The following VWA8 variants were observed in gnomAD, a reference collection of about 807,000 sequenced individuals.
VWA8 encodes the protein von Willebrand factor A domain-containing protein 8.
A neutral mutation model predicts 241.5 loss-of-function variants in VWA8; 221 were observed. That is an observed-to-expected ratio of 0.91 (90% CI 0.82 to 1.02). VWA8 has a LOEUF of 1.02. VWA8 is among the 50% of genes least tolerant of loss of function. The pLI, the probability that VWA8 is intolerant of heterozygous loss-of-function variation, is 0.00. For missense variants in VWA8, 2,322 were observed against 2,328.7 expected (o/e 1.00, Z 0.06); for synonymous variants, 852 against 827.1 (o/e 1.03, Z -0.52).
At position 41,704,313 on chromosome 13, in the gene VWA8, C is replaced by T. The variant is rs541822743; in HGVS notation, c.3117-902G>A. 4.6e-5 allele frequency among the ~76,000 whole-genome samples: 7 copies of T among 152,318 alleles called. No individual in the cohort carries two copies. The South Asian group carries it at 1.4e-3, about 32-fold the overall frequency. ...TGTGGGGCCACTTTCAGCACTAATC[C>T]ACCAAGGGAGCTAAATGCTGATTTC... On this transcript the variant is annotated intron_variant, in intron 26 of 44. Transcript: ENST00000379310.
At chr13:41,649,148 C>A (rs1480843936) in intron 37 of VWA8, among the ~76,000 whole-genome samples, 1 of 152,194 alleles carries the variant, frequency 6.6e-6, no homozygotes, top group Admixed American at 6.5e-5. Flanking sequence ...TGCGCCACTG[C>A]AGTCCAGCCT....
At chr13:41,792,470 CTATT>C (rs1228812745) in intron 17 of VWA8, among the ~76,000 whole-genome samples, 1 of 151,862 alleles carries the variant, frequency 6.6e-6, no homozygotes, top group Non-Finnish European at 1.5e-5. Flanking sequence ...TTCTAATAGT[CTATT>C]TGTTTTTCCC....
intron 19 of VWA8, among the ~76,000 whole-genome samples, chr13:41,780,614 G>C (rs1239633330): frequency 6.6e-6 from 1 of 152,004 alleles, no homozygotes; most frequent in Non-Finnish European, 1.5e-5. Context: ...ATCATCTCTA[G>C]CCTAGATTTG....
chr13:41,678,269 T>TA (rs2045074229), intron 35 of VWA8, among the ~76,000 whole-genome samples: 1 of 152,032 alleles, frequency 6.6e-6, no homozygotes, highest in Non-Finnish European at 1.5e-5. Context: ...GGTAAGAAAA[T>TA]AGAGTTACTA....
chr13:41,805,630 A>G lies in VWA8; in HGVS notation c.2063+5595T>C, dbSNP rs139561543. Among the ~76,000 whole-genome samples the G allele has an allele frequency of 6.2e-3, 938 of 152,146 alleles. 7 individuals carry two copies. The highest frequency in any genetic ancestry group is 0.022 in the African/African-American group (894 of 41,522). On this transcript the variant is annotated intron_variant, in intron 17 of 44. Transcript: ENST00000379310. ...GGAGTTTGAAACTAGTCTGACCAAC[A>G]TGGAGAAACCCCATCTCTACTAAAA...
intron 25 of VWA8, 45 bp from the exon 26 acceptor site, chr13:41,719,787 A>G (rs1258666587): frequency 6.5e-7 from 1 of 1,529,774 alleles, no homozygotes; most frequent in South Asian, 1.2e-5. Context: ...GATAAAATAT[A>G]CAACATTATA....
intron 28 of VWA8, among the ~76,000 whole-genome samples, chr13:41,700,178 CAT>C (rs1179110618): frequency 2.6e-5 from 4 of 152,162 alleles, no homozygotes; most frequent in African/African-American, 9.7e-5. Flanking sequence ...CAAATTAAGA[CAT>C]GAGATATGAC....
chr13:41,911,062 CTTTTTT>C (rs5803108), intron 3 of VWA8, among the ~76,000 whole-genome samples: 1 of 97,974 alleles, frequency 1.0e-5, no homozygotes, highest in South Asian at 4.0e-4. Context: ...CATTTTCTTT[CTTTTTT>C]TTTTTTTTTT....
chr13:41,750,955 T>G (rs1303588790), intron 21 of VWA8, among the ~76,000 whole-genome samples: 2 of 151,864 alleles, frequency 1.3e-5, no homozygotes, highest in Non-Finnish European at 2.9e-5. Flanking sequence ...CCAGAATGTA[T>G]GAAGCTAGCT....
chr13:41,715,280 ATTG>A (rs960539211), intron 26 of VWA8, among the ~76,000 whole-genome samples: 8 of 151,938 alleles, frequency 5.3e-5, no homozygotes, highest in Middle Eastern at 3.4e-3. Context: ...TAATCATAAC[ATTG>A]TTGTTGTTAT....
At chr13:41,633,744 C>A (rs1386734799) in intron 37 of VWA8, among the ~76,000 whole-genome samples, 2 of 152,146 alleles carry the variant, frequency 1.3e-5, no homozygotes, top group Non-Finnish European at 2.9e-5. Flanking sequence ...CAGAAACACA[C>A]AAACAATTCA....
chr13:41,726,083 C>T lies in VWA8; in HGVS notation c.2758+1111G>A, dbSNP rs185789521. 2.5e-3 allele frequency among the ~76,000 whole-genome samples: 387 copies of T among 152,214 alleles called. 2 individuals carry two copies. Among genetic ancestry groups the T allele is most frequent in the Admixed American group, 7.2e-3 (110 of 15,286 alleles). ...ACATATGAACGGGTAAACTACTATA[C>T]CCACTTTACTTACTTATTGTTTCAA... is the stretch of plus-strand genomic sequence containing the variant. On this transcript the variant is annotated intron_variant, in intron 24 of 44. Transcript: ENST00000379310.
At chr13:41,626,037 A>T (rs2044688287) in intron 37 of VWA8, among the ~76,000 whole-genome samples, 1 of 140,872 alleles carries the variant, frequency 7.1e-6, no homozygotes, top group Non-Finnish European at 1.5e-5. Context: ...AACAATGAGA[A>T]CACATGGACA....
At chr13:41,690,315 C>A (rs775034853) in intron 32 of VWA8, 40 bp from the exon 33 acceptor site, 3 of 1,563,648 alleles carry the variant, frequency 1.9e-6, no homozygotes, top group Non-Finnish European at 2.6e-6. Flanking sequence ...TGAAATTTTT[C>A]TTTTTCTAAT....
chr13:41,706,751 A>ACTAAC (rs1310633743), intron 26 of VWA8, among the ~76,000 whole-genome samples: 1 of 152,226 alleles, frequency 6.6e-6, no homozygotes, highest in African/African-American at 2.4e-5. Context: ...GAACTATGTC[A>ACTAAC]TCCAACTCTG....
intron 2 of VWA8, among the ~76,000 whole-genome samples, chr13:41,935,375 C>T (rs1003646847): frequency 1.3e-5 from 2 of 152,030 alleles, no homozygotes; most frequent in South Asian, 2.1e-4. Context: ...TTGTTATGAG[C>T]ACATCTCAAA....
intron 44 of VWA8, among the ~76,000 whole-genome samples, chr13:41,569,645 A>AT (rs769186344): frequency 0.11 from 15,868 of 140,054 alleles, 1,769 homozygotes; most frequent in African/African-American, 0.3. Flanking sequence ...TTAGGCAGGG[A>AT]TTTTTTTTTT....
chr13:41,715,911 T>C (rs182391502), intron 26 of VWA8, among the ~76,000 whole-genome samples: 9 of 152,154 alleles, frequency 5.9e-5, no homozygotes, highest in Admixed American at 5.9e-4. Flanking sequence ...GATTCATAGA[T>C]GACATACAGT....
intron 40 of VWA8, among the ~76,000 whole-genome samples, chr13:41,603,630 C>G (rs939626884): frequency 6.6e-6 from 1 of 152,112 alleles, no homozygotes; most frequent in Non-Finnish European, 1.5e-5. Context: ...GTTCTTGTGG[C>G]ATCCAGGGCT....
Sources: allele counts gnomAD v4.1 joint callset (sites outside exome capture counted in the v4.1 genomes callset), GRCh38; gene constraint gnomAD v4.1.1; transcripts MANE v1.5; gene names NCBI Gene and HGNC (gene_info 2026-07-23, HGNC 2026-07-21).